Variants in WDR27 observed in about 807,000 individuals in gnomAD.
WDR27 encodes the protein WD repeat-containing protein 27.
WDR27 carries 100 observed loss-of-function variants against 114.4 expected under a neutral mutation model. The ratio of observed to expected loss-of-function variants is 0.87; its 90% CI spans 0.74 to 1.03. The LOEUF (loss-of-function observed/expected upper bound fraction) is 1.03. Ranked by LOEUF, WDR27 falls within the 50% of genes least tolerant of loss-of-function variation. The pLI, the probability that WDR27 is intolerant of heterozygous loss-of-function variation, is 0.00. For missense variants in WDR27, 1,129 were observed against 1,092.9 expected, an observed-to-expected ratio of 1.03 and a Z score of -0.47; for synonymous variants, 449 against 423.1, an observed-to-expected ratio of 1.06 and a Z score of -0.75.
At chr6:169,561,468 T>C (rs1183894184) in intron 25 of WDR27, among the ~76,000 whole-genome samples, 1 of 152,218 alleles carries the variant, frequency 6.6e-6, no homozygotes, top group East Asian at 1.9e-4. Context: ...AGTTTGCTAT[T>C]GTGAGATGAA....
Position 169,633,008 on chromosome 6 carries a change from C to T in WDR27, c.2162G>A (p.Cys721Tyr), listed in dbSNP as rs1816788937. 1 of 1,599,108 alleles carries T rather than the reference C, an allele frequency of 6.3e-7. No individual in the cohort carries two copies. ...GGCTTCCGCTATCACCGCTGCACTG[C>T]AGCCGGCGTTGAGGTCAAACACTTC... is the stretch of plus-strand genomic sequence containing the variant. Reference protein sequence around the residue: ...TVEVFDLNAGCSAAVIAEAHS... With the variant: ...TVEVFDLNAGYSAAVIAEAHS... Residue 721 changes from cysteine (C) to tyrosine (Y), a missense_variant, in exon 21 of 26, where the codon TGC becomes TAC. Cys to Tyr is a radical substitution (Grantham distance 194). Coordinates refer to ENST00000448612, the MANE Select transcript of WDR27 (RefSeq NM_182552.5).
intron 17 of WDR27, among the ~76,000 whole-genome samples, 156 bp from the exon 18 acceptor site, chr6:169,638,816 T>C (rs1229622858): frequency 1.3e-5 from 2 of 152,260 alleles, no homozygotes; most frequent in Non-Finnish European, 2.9e-5. Context: ...ACAGTGAGGC[T>C]GCAGAGCCTG....
chr6:169,623,700 C>G (rs1204498668), intron 21 of WDR27, among the ~76,000 whole-genome samples: 1 of 152,190 alleles, frequency 6.6e-6, no homozygotes, highest in African/African-American at 2.4e-5. Flanking sequence ...TGGTCATTTA[C>G]TTATTTATTT....
intron 24 of WDR27, among the ~76,000 whole-genome samples, chr6:169,576,650 T>C (rs1384953514): frequency 6.6e-6 from 1 of 151,440 alleles, no homozygotes; most frequent in Non-Finnish European, 1.5e-5. Flanking sequence ...GCCTGTAGTA[T>C]CAGCTACTTA....
chr6:169,598,902 T>C (rs1807369754), intron 23 of WDR27, among the ~76,000 whole-genome samples: 1 of 152,250 alleles, frequency 6.6e-6, no homozygotes, highest in South Asian at 2.1e-4. Flanking sequence ...CTCATTTAAC[T>C]TTACATAAAC....
intron 25 of WDR27, among the ~76,000 whole-genome samples, chr6:169,533,969 T>G (rs1795921140): frequency 1.3e-5 from 2 of 152,202 alleles, no homozygotes; most frequent in Admixed American, 1.3e-4. Flanking sequence ...TCCTTGTTTT[T>G]CCTCATCTTG....
chr6:169,694,749 T>C (rs1038909989), intron 1 of WDR27, among the ~76,000 whole-genome samples: 3 of 152,192 alleles, frequency 2.0e-5, no homozygotes, highest in Non-Finnish European at 4.4e-5. Flanking sequence ...CAGCTCCACC[T>C]GTCTAGGTGC....
intron 17 of WDR27, among the ~76,000 whole-genome samples, chr6:169,642,900 G>C (rs748866857): frequency 6.6e-6 from 1 of 152,204 alleles, no homozygotes; most frequent in Non-Finnish European, 1.5e-5. Flanking sequence ...AGGTGTTTTG[G>C]AGTTCCCATT....
rs369735663 is a variant in WDR27 at position 169,658,375 on chromosome 6, C to G, written c.1320-17G>C. On this transcript the variant is annotated splice_polypyrimidine_tract_variant and intron_variant, in intron 12 of 25. Transcript: ENST00000448612. ...ACACAGGAGCTGAAACAGAAACAAG[C>G]CCCATGAAACTAGGAGCGCAAACGA... The G allele has an allele frequency of 1.1e-4, 179 of 1,579,692 alleles. No homozygotes were observed. Among genetic ancestry groups the G allele is most frequent in the Non-Finnish European group, 1.5e-4 (171 of 1,161,644 alleles).
In WDR27 at chr6:169,644,506, G is replaced by T. The variant is rs368084866; in HGVS notation, c.1658-720C>A. Reference sequence around the variant, plus strand: ...TTCACAGGAGTCACACTGTAGAAAAGCCTAGTTCACAGGAGTCACACTGTG... The same window carrying T: ...TTCACAGGAGTCACACTGTAGAAAATCCTAGTTCACAGGAGTCACACTGTG... On this transcript the variant is annotated intron_variant, in intron 16 of 25. Transcript: ENST00000448612. Among the ~76,000 whole-genome samples, 17 of 146,068 alleles carry T rather than the reference G, an allele frequency of 1.2e-4. No homozygotes were observed. The South Asian group carries it at 2.0e-3, about 17-fold the overall frequency.
intron 25 of WDR27, among the ~76,000 whole-genome samples, chr6:169,474,020 C>G (rs1437987824): frequency 6.6e-6 from 1 of 152,220 alleles, no homozygotes; most frequent in East Asian, 1.9e-4. Flanking sequence ...CCCAGAAAAG[C>G]AGTAGGCTGA....
chr6:169,673,269 G>A (rs1445422410), intron 2 of WDR27, among the ~76,000 whole-genome samples: 6 of 152,090 alleles, frequency 3.9e-5, no homozygotes, highest in Admixed American at 1.3e-4. Flanking sequence ...CTTATAAGGC[G>A]ATGTTAAATA....
Position 169,556,282 on chromosome 6 carries a change from G to A in WDR27, c.2645+16137C>T, listed in dbSNP as rs117125616. On this transcript the variant is annotated intron_variant, in intron 25 of 25. Coordinates refer to ENST00000448612, the MANE Select transcript of WDR27 (RefSeq NM_182552.5). ...AATTAAAATCTGCCAAGTCCTTGGT[G>A]AGCTTGCAAGCAGATCTGTCCCCAG... Among the ~76,000 whole-genome samples the A allele has an allele frequency of 4.5e-4, 68 of 152,280 alleles. 3 individuals are homozygous for A. In the East Asian group the frequency reaches 0.011, roughly 24 times the overall value.
chr6:169,556,012 C>A (rs1016159534), intron 25 of WDR27, among the ~76,000 whole-genome samples: 1 of 152,210 alleles, frequency 6.6e-6, no homozygotes. Context: ...CCTCATGTGA[C>A]CCCTGTCTGT....
intron 24 of WDR27, among the ~76,000 whole-genome samples, chr6:169,576,773 A>G (rs1269708049): frequency 6.6e-6 from 1 of 151,746 alleles, no homozygotes; most frequent in African/African-American, 2.4e-5. Context: ...TCACAAAAAA[A>G]AAAAAGACAA....
At chr6:169,427,546 T>C in the WDR27 span, among the ~76,000 whole-genome samples, 2 of 152,166 alleles carry the variant, frequency 1.3e-5, no homozygotes, top group African/African-American at 4.8e-5. Context: ...GGGAAGACAG[T>C]GTGCAGAGGA....
At chr6:169,440,336 G>C in the WDR27 span, among the ~76,000 whole-genome samples, 19 of 152,242 alleles carry the variant, frequency 1.2e-4, no homozygotes, top group Admixed American at 3.9e-4. Flanking sequence ...ACTAAGAAGA[G>C]AAATAGTTAT....
At chr6:169,607,413 CACACACACACATATA>C (rs1307708449) in intron 22 of WDR27, among the ~76,000 whole-genome samples, 3 of 37,810 alleles carry the variant, frequency 7.9e-5, no homozygotes, top group South Asian at 2.3e-3. Flanking sequence ...CACACACACA[CACACACACACATATA>C]ATATAATATT....
intron 25 of WDR27, among the ~76,000 whole-genome samples, chr6:169,519,957 G>A (rs542955743): frequency 1.3e-5 from 2 of 152,160 alleles, no homozygotes; most frequent in East Asian, 3.9e-4. Context: ...AGATTGAGGT[G>A]GACGACCAGC....
Sources: gnomAD v4.1 joint callset for allele counts (sites outside exome capture counted in the v4.1 genomes callset) on GRCh38, gnomAD v4.1.1 for gene constraint, MANE v1.5 for transcripts, NCBI Gene and HGNC (gene_info 2026-07-23, HGNC 2026-07-21) for gene names.